The following BCAS3 variants were observed in gnomAD, a reference collection of about 807,000 sequenced individuals.
BCAS3 encodes BCAS3 microtubule associated cell migration factor.
BCAS3 carries 53 observed loss-of-function variants against 116.1 expected under a neutral mutation model. That is an observed-to-expected ratio of 0.46 (90% CI 0.37 to 0.57). The LOEUF (loss-of-function observed/expected upper bound fraction) is 0.57. Among genes scored for constraint, BCAS3 ranks in the 20% least tolerant of loss-of-function variants. The probability of loss-of-function intolerance (pLI) is 0.00; values close to 1 mark genes in which losing one functional copy is unlikely to be tolerated. For missense variants in BCAS3, 917 were observed against 1,165.4 expected (o/e 0.79, Z 3.10); for synonymous variants, 391 against 408.2 (o/e 0.96, Z 0.51).
At chr17:61,030,879 G>A (rs1026746398) in intron 16 of BCAS3, among the ~76,000 whole-genome samples, 1 of 151,594 alleles carries the variant, frequency 6.6e-6, no homozygotes, top group African/African-American at 2.4e-5. Flanking sequence ...GAAAAACTAA[G>A]GGTAGTAAAG....
intron 19 of BCAS3, chr17:61,070,394 TATATATC>T (rs1207063140): frequency 3.9e-5 from 7 of 179,498 alleles, no homozygotes; most frequent in Non-Finnish European, 5.4e-5. Context: ...TATATATATA[TATATATC>T]TTTTCACCAT....
chr17:61,172,652 A>T (rs4640250), intron 22 of BCAS3, among the ~76,000 whole-genome samples: 111,826 of 151,012 alleles, frequency 0.74, 41,605 homozygotes, highest in South Asian at 0.85. Flanking sequence ...ATAATAATGA[A>T]AATAATTCAT....
intron 22 of BCAS3, among the ~76,000 whole-genome samples, chr17:61,089,472 ATTC>A (rs1024456441): frequency 2.6e-4 from 10 of 38,008 alleles, no homozygotes; most frequent in Admixed American, 2.1e-3. Flanking sequence ...GGGGAAGAGT[ATTC>A]TTTTTTTTTT....
chr17:60,679,227 AAAT>A lies in BCAS3; in HGVS notation c.-5-217_-5-215del, dbSNP rs577760232. 9.2e-5 allele frequency among the ~76,000 whole-genome samples: 14 copies of A among 152,298 alleles called. No homozygotes were observed. The East Asian group carries it at 2.7e-3, about 29-fold the overall frequency. ...GCGACAGAGCGAGACTCTATCTCAA[AAAT>A]AATAATAACCCCCCAAACCCCTCAT... On this transcript the variant is annotated intron_variant, in intron 1 of 23. Transcript: ENST00000407086.
Position 61,017,263 on chromosome 17 carries a change from A to G in BCAS3, c.1637+1362A>G, listed in dbSNP as rs2065522544. 6.6e-6 allele frequency among the ~76,000 whole-genome samples: 1 copy of G among 152,088 alleles called. No homozygotes were observed. Among genetic ancestry groups the G allele is most frequent in the Non-Finnish European group, 1.5e-5 (1 of 68,004 alleles). On this transcript the variant is annotated intron_variant, in intron 16 of 23. Transcript: ENST00000407086. This position sits in a 1 kb window ranked among gnomAD's most constrained non-coding sequence, Gnocchi z 4.7. ...CACAATTAGGTTATTTTTTCATTGT[A>G]TATTACATTCCTGGGATGTAGAATC...
chr17:60,765,062 G>A (rs8066813), intron 6 of BCAS3, among the ~76,000 whole-genome samples: 1 of 151,810 alleles, frequency 6.6e-6, no homozygotes, highest in Non-Finnish European at 1.5e-5. Context: ...CCTCCATCCC[G>A]TTATTTTGAG....
chr17:60,976,249 C>T (rs2062360523), intron 14 of BCAS3, among the ~76,000 whole-genome samples: 1 of 151,178 alleles, frequency 6.6e-6, no homozygotes, highest in African/African-American at 2.4e-5. Flanking sequence ...TGGTCTCAAT[C>T]TCCTGACCTC....
At chr17:60,717,788 T>G (rs1416783913) in intron 5 of BCAS3, among the ~76,000 whole-genome samples, 1 of 152,132 alleles carries the variant, frequency 6.6e-6, no homozygotes, top group Non-Finnish European at 1.5e-5. Flanking sequence ...GTGGGGATAG[T>G]TTCAGTATGA....
rs2081048173 is a variant in BCAS3 at position 61,205,085 on chromosome 17, A to C, written c.2425+120521A>C. On this transcript the variant is annotated intron_variant, in intron 22 of 23. Coordinates refer to ENST00000407086, the MANE Select transcript of BCAS3 (RefSeq NM_017679.5). The surrounding 1 kb of genome is among the most constrained non-coding windows in gnomAD (Gnocchi z 5.2). ...ATTTAGGGAGGCCGATTCCATCTGC[A>C]ATCAAAAGCTAACTTTTGGTCCACA... Among the ~76,000 whole-genome samples the C allele has an allele frequency of 6.6e-6, 1 of 152,164 alleles. No individual in the cohort carries two copies. Among genetic ancestry groups the C allele is most frequent in the South Asian group, 2.1e-4 (1 of 4,826 alleles).
At chr17:61,031,916 A>C (rs1035680260) in intron 16 of BCAS3, among the ~76,000 whole-genome samples, 14 of 152,166 alleles carry the variant, frequency 9.2e-5, no homozygotes, top group Middle Eastern at 3.2e-3. Flanking sequence ...CTTATGTAAA[A>C]ATAACACCGT....
chr17:61,070,371 AT>A, intron 19 of BCAS3: 1 of 97,352 alleles, frequency 1.0e-5, no homozygotes, highest in South Asian at 2.4e-4. Flanking sequence ...TTCTGAATAT[AT>A]ATATATATAT....
At chr17:60,739,854 A>G (rs1396747088) in intron 5 of BCAS3, among the ~76,000 whole-genome samples, 1 of 151,832 alleles carries the variant, frequency 6.6e-6, no homozygotes, top group Non-Finnish European at 1.5e-5. Flanking sequence ...CAGGATACAG[A>G]ATTAGAGGTT....
intron 19 of BCAS3, among the ~76,000 whole-genome samples, chr17:61,052,664 A>G (rs1221170699): frequency 6.7e-6 from 1 of 148,544 alleles, no homozygotes. Flanking sequence ...CTTAGTTTTT[A>G]TTATGCTAAA....
At chr17:61,216,998 T>C (rs1041371945) in intron 22 of BCAS3, among the ~76,000 whole-genome samples, 4 of 151,888 alleles carry the variant, frequency 2.6e-5, no homozygotes, top group African/African-American at 9.7e-5. Context: ...AGCACTAGTT[T>C]TGGCCGGGTG....
rs1249150921 is a variant in BCAS3 at position 61,098,934 on chromosome 17, C to T, written c.2425+14370C>T. On this transcript the variant is annotated intron_variant, in intron 22 of 23. Transcript: ENST00000407086. The surrounding 1 kb of genome is among the most constrained non-coding windows in gnomAD (Gnocchi z 4.2). ...GGTCAGGAGATCGAGATCATCCTGG[C>T]TAACACGGTGAAACCCCATCTCTAC... is the stretch of plus-strand genomic sequence containing the variant. Among the ~76,000 whole-genome samples the T allele has an allele frequency of 6.6e-6, 1 of 152,004 alleles. No individual in the cohort carries two copies. The highest frequency in any genetic ancestry group is 1.5e-5 in the Non-Finnish European group (1 of 68,024).
intron 3 of BCAS3, among the ~76,000 whole-genome samples, chr17:60,685,247 A>C (rs1004087326): frequency 6.6e-6 from 1 of 151,960 alleles, no homozygotes; most frequent in African/African-American, 2.4e-5. Flanking sequence ...TCAGGAGTTC[A>C]AGACCAGCCT....
At position 61,349,686 on chromosome 17, in the gene BCAS3, C is replaced by A. The variant is rs2057716680; in HGVS notation, c.2426-18641C>A. On this transcript the variant is annotated intron_variant, in intron 22 of 23. Transcript: ENST00000407086. This position sits in a 1 kb window ranked among gnomAD's most constrained non-coding sequence, Gnocchi z 4.7. ...GTGTGGAAGAGGTACCATATGTAGA[C>A]AAAGAAGACGTTTTTGGGCAATTGC... 6.6e-6 allele frequency among the ~76,000 whole-genome samples: 1 copy of A among 152,190 alleles called. No individual in the cohort carries two copies. Among genetic ancestry groups the A allele is most frequent in the African/African-American group, 2.4e-5 (1 of 41,442 alleles).
intron 22 of BCAS3, among the ~76,000 whole-genome samples, chr17:61,153,732 T>A (rs912731485): frequency 3.3e-5 from 5 of 152,202 alleles, no homozygotes; most frequent in Admixed American, 6.5e-5. Context: ...TTCTTGTTTT[T>A]TCGTTTGTTT....
At chr17:60,972,325 A>G (rs2062014093) in intron 14 of BCAS3, among the ~76,000 whole-genome samples, 2 of 152,030 alleles carry the variant, frequency 1.3e-5, no homozygotes, top group Admixed American at 6.6e-5. Flanking sequence ...TAATGTGCAC[A>G]TGCCAGTTGC....
Sources: allele counts gnomAD v4.1 joint callset (sites outside exome capture counted in the v4.1 genomes callset), GRCh38; gene constraint gnomAD v4.1.1; non-coding constraint Gnocchi (gnomAD v3.1); transcripts MANE v1.5; gene names NCBI Gene and HGNC (gene_info 2026-07-23, HGNC 2026-07-21).